CEP72: variants seen among roughly 807,000 people sequenced by gnomAD.
CEP72 encodes the protein centrosomal protein 72.
Under a neutral mutation model 65.7 loss-of-function variants are expected in CEP72, and 78 were observed. The ratio of observed to expected loss-of-function variants is 1.19; its 90% CI spans 0.99 to 1.43. CEP72 has a LOEUF of 1.43. CEP72 is among the 40% of genes most tolerant of loss of function. CEP72 has a pLI of 0.00. For missense variants in CEP72, 914 were observed against 832.9 expected (o/e 1.10, Z -1.20); for synonymous variants, 358 against 351.7 (o/e 1.02, Z -0.20).
intron 4 of CEP72, among the ~76,000 whole-genome samples, chr5:633,411 G>T (rs1413638784): frequency 6.8e-6 from 1 of 146,430 alleles, no homozygotes; most frequent in African/African-American, 2.5e-5. Flanking sequence ...GTCCTGGTGG[G>T]GTGCTGTCCA....
chr5:644,556 C>A lies in CEP72; in HGVS notation c.1666+131C>A, dbSNP rs183328720. The A allele has an allele frequency of 2.0e-3, 2,168 of 1,066,354 alleles. 48 individuals are homozygous for A. In the Admixed American group the frequency reaches 0.03, roughly 15 times the overall value. The allele number at this position is 1,066,354 out of a possible 1,614,324, so 66.1% of individuals were successfully genotyped here. On this transcript the variant is annotated intron_variant, in intron 10 of 11. Coordinates refer to ENST00000264935, the MANE Select transcript of CEP72 (RefSeq NM_018140.4). ...CGCAGTTGGTAAGTGGGGAGCCGAG[C>A]CCCTGCCTCACTGGCTGGGGTGGAG...
the CEP72 span, among the ~76,000 whole-genome samples, chr5:674,741 G>A: frequency 6.6e-6 from 1 of 151,912 alleles, no homozygotes; most frequent in Non-Finnish European, 1.5e-5. Flanking sequence ...GCAGGGGATG[G>A]CAGGCTGGTC....
intron 11 of CEP72, among the ~76,000 whole-genome samples, chr5:648,635 CTG>C (rs1293841219): frequency 9.6e-6 from 1 of 104,204 alleles, no homozygotes; most frequent in East Asian, 3.3e-4. Flanking sequence ...GAGGCGTGGA[CTG>C]TGAGGTGTGA....
At chr5:617,452 G>A (rs374179603) in intron 1 of CEP72, among the ~76,000 whole-genome samples, 69 of 152,296 alleles carry the variant, frequency 4.5e-4, no homozygotes, top group African/African-American at 1.6e-3. Context: ...TGGATCACCT[G>A]AGGTCAGGAG....
In CEP72 at chr5:619,153, A is replaced by G. The variant is rs115532925; in HGVS notation, c.210+36A>G. ...GGTCTCTTTCTTAAAATTTATTGCT[A>G]TCAACATCAGTGGAAAGTCCATTCA... On this transcript the variant is annotated intron_variant, in intron 2 of 11. Coordinates refer to ENST00000264935, the MANE Select transcript of CEP72 (RefSeq NM_018140.4). 5,121 of 1,595,540 alleles carry G rather than the reference A, an allele frequency of 3.2e-3. 138 individuals carry two copies. The African/African-American group carries it at 0.058, about 18-fold the overall frequency.
Position 640,424 on chromosome 5 carries a change from C to T in CEP72, c.1359C>T (p.Ile453=), listed in dbSNP as rs776189373. ...NEAFLAQARH[I]LSSVEEFTAA... is the part of the protein sequence containing the mutation. ...CACTCCTAGCTCAGGCAAGACACATCTTGTCATCTGTTGAAGAATTCACAG... is the reference window on the plus strand; with the variant it reads ...CACTCCTAGCTCAGGCAAGACACATTTTGTCATCTGTTGAAGAATTCACAG... Residue 453 remains isoleucine (I), a synonymous_variant, in exon 9 of 12, where the codon ATC becomes ATT. Coordinates refer to ENST00000264935, the MANE Select transcript of CEP72 (RefSeq NM_018140.4). 2 of 1,613,938 alleles carry T rather than the reference C, an allele frequency of 1.2e-6. No individual in the cohort carries two copies. The highest frequency in any genetic ancestry group is 2.2e-5 in the South Asian group (2 of 91,040).
In CEP72 at chr5:623,990, G is replaced by A. The variant is rs1301743904; in HGVS notation, c.404-481G>A. ...GCCTGGGGACCTTCTTATCTTCAGG[G>A]ATTTACATGAGGAAGCTCCAGGAGT... On this transcript the variant is annotated intron_variant, in intron 3 of 11. Coordinates refer to ENST00000264935, the MANE Select transcript of CEP72 (RefSeq NM_018140.4). This position sits in a 1 kb window ranked among gnomAD's most constrained non-coding sequence, Gnocchi z 5.3. Among the ~76,000 whole-genome samples the A allele has an allele frequency of 6.6e-6, 1 of 152,102 alleles. No homozygotes were observed. The highest frequency in any genetic ancestry group is 2.4e-5 in the African/African-American group (1 of 41,434).
chr5:641,135 G>A (rs969686134), intron 9 of CEP72: 13 of 984,908 alleles, frequency 1.3e-5, no homozygotes, highest in Non-Finnish European at 1.6e-5. Flanking sequence ...GGCCGGGGCC[G>A]CCGTCTCATC....
At chr5:642,813 C>T (rs895808078) in intron 9 of CEP72, 1 of 985,322 alleles carries the variant, frequency 1.0e-6, no homozygotes, top group African/African-American at 1.7e-5. Flanking sequence ...GCACTGCTTT[C>T]CAGGGAGGCC....
intron 4 of CEP72, chr5:666,129 G>GGGGCATAGGCGACTTA: frequency 6.2e-7 from 1 of 1,606,620 alleles, no homozygotes. Context: ...TCCCTCTACA[G>GGGGCATAGGCGACTTA]GGGCACAGGC....
chr5:639,245 C>T, intron 8 of CEP72, 21 bp downstream of exon 8: 1 of 1,548,334 alleles, frequency 6.5e-7, no homozygotes, highest in Non-Finnish European at 8.7e-7. Flanking sequence ...GCGGCCACTG[C>T]TCTTGCCCTG....
downstream of CEP72, among the ~76,000 whole-genome samples, chr5:670,212 C>G (rs2126880681): frequency 6.6e-6 from 1 of 152,276 alleles, no homozygotes; most frequent in Admixed American, 6.5e-5. Flanking sequence ...ACGTCACAGG[C>G]CCCGCTGGGC....
downstream of CEP72, among the ~76,000 whole-genome samples, chr5:669,994 C>G (rs1219495224): frequency 6.6e-6 from 1 of 152,188 alleles, no homozygotes; most frequent in Non-Finnish European, 1.5e-5. Context: ...AGCCCGGCGC[C>G]CTGCCCCAAA....
chr5:631,814 G>C (rs1737208608), intron 4 of CEP72, among the ~76,000 whole-genome samples: 1 of 49,972 alleles, frequency 2.0e-5, no homozygotes, highest in African/African-American at 7.6e-5. Flanking sequence ...AGTCCTGGTG[G>C]GGTTCTGTCC....
Position 612,376 on chromosome 5 carries a change from C to A in CEP72, c.15C>A (p.Gly5=), listed in dbSNP as rs771092261. Residue 5 remains glycine (G), a synonymous_variant, in exon 1 of 12, where the codon GGC becomes GGA. Transcript: ENST00000264935. ...CCGTTTGAAACATGGCGCGGGCTGGCCCTCGGCTGGTGCTGAGCGAGGAGG... is the reference window on the plus strand; with the variant it reads ...CCGTTTGAAACATGGCGCGGGCTGGACCTCGGCTGGTGCTGAGCGAGGAGG... MARA[G]PRLVLSEEAV... 2.0e-6 allele frequency: 3 copies of A among 1,491,250 alleles called. No individual in the cohort carries two copies. The highest frequency in any genetic ancestry group is 1.3e-5 in the South Asian group (1 of 79,652). The allele number at this position is 1,491,250 out of a possible 1,614,324, so 92.4% of individuals were successfully genotyped here.
At chr5:637,041 C>T (rs1737652575) in intron 6 of CEP72, among the ~76,000 whole-genome samples, 1 of 152,132 alleles carries the variant, frequency 6.6e-6, no homozygotes, top group Non-Finnish European at 1.5e-5. Flanking sequence ...ACAAGTTTGC[C>T]TTCCCCCGGG....
At chr5:642,615 C>A (rs1334369585) in intron 9 of CEP72, 2 of 985,354 alleles carry the variant, frequency 2.0e-6, no homozygotes, top group East Asian at 1.1e-4. Flanking sequence ...TGGACGCCTG[C>A]TTTTTTGCCC....
At position 624,666 on chromosome 5, in the gene CEP72, C is replaced by A; in HGVS notation, c.512+87C>A. On this transcript the variant is annotated intron_variant, in intron 4 of 11. Coordinates refer to ENST00000264935, the MANE Select transcript of CEP72 (RefSeq NM_018140.4). This position sits in a 1 kb window ranked among gnomAD's most constrained non-coding sequence, Gnocchi z 4.7. The stretch of plus-strand genomic sequence containing the variant: ...TAACCGAACGTCATTCACTGTGTGC[C>A]GGTCACTCTCCAGGGGCGGACACCA... 2.0e-6 allele frequency: 2 copies of A among 982,514 alleles called. No homozygotes were observed. Among genetic ancestry groups the A allele is most frequent in the East Asian group, 2.5e-5 (1 of 40,348 alleles). 60.9% of individuals were successfully genotyped at this position (982,514 alleles called of 1,614,324 possible).
chr5:635,354 T>C lies in CEP72; in HGVS notation c.692-18T>C. 1.3e-6 allele frequency: 2 copies of C among 1,496,748 alleles called. No homozygotes were observed. Among genetic ancestry groups the C allele is most frequent in the East Asian group, 4.8e-5 (2 of 41,538 alleles). 92.7% of individuals were successfully genotyped at this position (1,496,748 alleles called of 1,614,324 possible). On this transcript the variant is annotated intron_variant, in intron 5 of 11. Transcript: ENST00000264935. The stretch of plus-strand genomic sequence containing the variant: ...TTACAATGTTTTATGAAATATTTTA[T>C]TTACAATATTTTAATAGAATCCAGA...
Sources: allele counts gnomAD v4.1 joint callset (sites outside exome capture counted in the v4.1 genomes callset), GRCh38; gene constraint gnomAD v4.1.1; non-coding constraint Gnocchi (gnomAD v3.1); transcripts MANE v1.5; gene names NCBI Gene and HGNC (gene_info 2026-07-23, HGNC 2026-07-21).